Variants in BCAS3 observed in about 807,000 individuals in gnomAD.
BCAS3 encodes the protein BCAS4/BCAS3 fusion.
Under a neutral mutation model 116.1 loss-of-function variants are expected in BCAS3, and 53 were observed. The ratio of observed to expected loss-of-function variants is 0.46; its 90% CI spans 0.37 to 0.57. The LOEUF (loss-of-function observed/expected upper bound fraction) is 0.57, where lower values mean the gene tolerates loss of function less well. BCAS3 is among the 20% of genes least tolerant of loss of function. The pLI, the probability that BCAS3 is intolerant of heterozygous loss-of-function variation, is 0.00. For missense variants in BCAS3, 917 were observed against 1,165.4 expected (o/e 0.79, Z 3.10); for synonymous variants, 391 against 408.2 (o/e 0.96, Z 0.51).
At chr17:61,236,130 T>C (rs940244196) in intron 22 of BCAS3, among the ~76,000 whole-genome samples, 2 of 152,148 alleles carry the variant, frequency 1.3e-5, no homozygotes, top group African/African-American at 4.8e-5. Flanking sequence ...TTTAACTCCT[T>C]GGGTGCAAAC....
chr17:60,909,321 T>C (rs2058362320), intron 11 of BCAS3, among the ~76,000 whole-genome samples: 1 of 152,210 alleles, frequency 6.6e-6, no homozygotes. Flanking sequence ...CTTTGTGTAC[T>C]ATTTATGAAT....
At chr17:60,854,145 G>A (rs966295468) in intron 7 of BCAS3, among the ~76,000 whole-genome samples, 6 of 152,020 alleles carry the variant, frequency 3.9e-5, no homozygotes, top group Admixed American at 6.6e-5. Flanking sequence ...GAGAACATGC[G>A]GTGTTTGGTT....
intron 22 of BCAS3, among the ~76,000 whole-genome samples, chr17:61,182,032 C>T (rs568003631): frequency 6.6e-6 from 1 of 152,056 alleles, no homozygotes; most frequent in South Asian, 2.1e-4. Context: ...CACCACTACA[C>T]CTGGCTAATT....
chr17:61,272,636 C>CAAAAAAAAAAAAAAAAAAAAAAAAAA (rs373837874), intron 22 of BCAS3, among the ~76,000 whole-genome samples: 1 of 47,376 alleles, frequency 2.1e-5, no homozygotes, highest in South Asian at 1.4e-3. Flanking sequence ...AACCCTGTCT[C>CAAAAAAAAAAAAAAAAAAAAAAAAAA]AAAAAAAAAA....
At chr17:60,736,025 G>A (rs1268563541) in intron 5 of BCAS3, among the ~76,000 whole-genome samples, 1 of 143,702 alleles carries the variant, frequency 7.0e-6, no homozygotes, top group Non-Finnish European at 1.5e-5. Context: ...TACCTGGTGT[G>A]AATTCCACTT....
chr17:60,708,513 CAAGCCCAGCTAATAAT>C (rs2037463601), intron 4 of BCAS3, among the ~76,000 whole-genome samples: 1 of 151,968 alleles, frequency 6.6e-6, no homozygotes, highest in African/African-American at 2.4e-5. Context: ...TGTGTGCCAC[CAAGCCCAGCTAATAAT>C]AATAATAATT....
chr17:60,709,243 A>G lies in BCAS3; in HGVS notation c.239A>G (p.His80Arg), dbSNP rs1322404796. The change falls in exon 5 of 24, where the codon CAT becomes CGT. Residue 80 changes from histidine (H) to arginine (R), a missense_variant. His to Arg is a conservative substitution (Grantham distance 29, BLOSUM62 0). This residue lies in a region of BCAS3 where 807 missense variants were observed against 1,026.0 expected (regional missense o/e 0.79). Coordinates refer to ENST00000407086, the MANE Select transcript of BCAS3 (RefSeq NM_017679.5). The part of the protein sequence containing the change: ...LNDTSRNLEF[H>R]EIHSTGNEPP... ...GATACATCAAGAAATCTGGAATTTC[A>G]TGAAATACATAGTACTGGGAATGAA... The G allele has an allele frequency of 2.5e-6, 4 of 1,575,506 alleles. No homozygotes were observed. The highest frequency in any genetic ancestry group is 3.5e-6 in the Non-Finnish European group (4 of 1,147,500).
chr17:60,812,498 A>G (rs1358734267), intron 7 of BCAS3, among the ~76,000 whole-genome samples: 4 of 152,144 alleles, frequency 2.6e-5, no homozygotes, highest in Non-Finnish European at 5.9e-5. Context: ...CTTAGGAGAA[A>G]AGACAGGAGA....
At chr17:60,747,170 G>T in intron 5 of BCAS3, 28 bp from the exon 6 acceptor site, 1 of 1,502,622 alleles carries the variant, frequency 6.7e-7, no homozygotes, top group Non-Finnish European at 9.2e-7. Context: ...TTTTCCCACT[G>T]AAATATTTTC....
At chr17:60,785,837 G>A (rs1034796391) in intron 6 of BCAS3, among the ~76,000 whole-genome samples, 2 of 152,204 alleles carry the variant, frequency 1.3e-5, no homozygotes, top group Admixed American at 1.3e-4. Flanking sequence ...ATGGATCAAA[G>A]ATACTTAGAG....
At chr17:60,716,152 C>T (rs1251876144) in intron 5 of BCAS3, among the ~76,000 whole-genome samples, 9 of 152,308 alleles carry the variant, frequency 5.9e-5, no homozygotes, top group East Asian at 3.9e-4. Flanking sequence ...TGAGCCACCG[C>T]GCACAGCCAC....
intron 7 of BCAS3, among the ~76,000 whole-genome samples, chr17:60,830,385 T>C (rs2050811354): frequency 6.6e-6 from 1 of 152,134 alleles, no homozygotes; most frequent in South Asian, 2.1e-4. Flanking sequence ...GTTGGAAAAC[T>C]TACCTGGAAA....
intron 5 of BCAS3, among the ~76,000 whole-genome samples, chr17:60,724,201 G>A (rs1598308264): frequency 6.7e-6 from 1 of 149,460 alleles, no homozygotes; most frequent in African/African-American, 2.5e-5. Context: ...AGGCAGGCGG[G>A]CCCCTTGAGG....
chr17:61,010,746 T>G (rs887500969), intron 15 of BCAS3, among the ~76,000 whole-genome samples: 11 of 152,022 alleles, frequency 7.2e-5, no homozygotes, highest in Admixed American at 6.6e-5. Flanking sequence ...AGAAACCATT[T>G]TATTGGAACT....
At chr17:61,138,975 T>A (rs2076786462) in intron 22 of BCAS3, among the ~76,000 whole-genome samples, 1 of 152,214 alleles carries the variant, frequency 6.6e-6, no homozygotes, top group African/African-American at 2.4e-5. Flanking sequence ...TCAAATGCTA[T>A]CCTGAATTAG....
At chr17:61,269,633 T>G (rs1346900909) in intron 22 of BCAS3, among the ~76,000 whole-genome samples, 2 of 152,172 alleles carry the variant, frequency 1.3e-5, no homozygotes, top group Admixed American at 1.3e-4. Context: ...TTGTTTGTTT[T>G]GATAGTGGCC....
intron 23 of BCAS3, among the ~76,000 whole-genome samples, chr17:61,369,628 C>T (rs2058942281): frequency 6.6e-6 from 1 of 152,214 alleles, no homozygotes; most frequent in African/African-American, 2.4e-5. Context: ...TTCACTAAGA[C>T]GTGTCATCTC....
At chr17:60,924,360 T>C in intron 12 of BCAS3, 47 bp from the exon 13 acceptor site, 1 of 1,541,438 alleles carries the variant, frequency 6.5e-7, no homozygotes, top group Non-Finnish European at 9.0e-7. Flanking sequence ...AGCTCGGTTA[T>C]CAGTGAGAAA....
intron 22 of BCAS3, among the ~76,000 whole-genome samples, chr17:61,270,243 C>T (rs2144624743): frequency 6.6e-6 from 1 of 151,646 alleles, no homozygotes; most frequent in Admixed American, 6.6e-5. Context: ...CCTCAGCCTC[C>T]TGAGTAGCTG....
Sources: allele counts gnomAD v4.1 joint callset (sites outside exome capture counted in the v4.1 genomes callset), GRCh38; gene constraint gnomAD v4.1.1; regional missense constraint gnomAD v4.1.1; transcripts MANE v1.5; gene names NCBI Gene and HGNC (gene_info 2026-07-23, HGNC 2026-07-21).